The following SOX5 variants were observed in gnomAD, a reference collection of about 807,000 sequenced individuals.
SOX5 encodes the protein SRY-box transcription factor 5, also known as transcription factor SOX-5.
SOX5 carries 9 observed loss-of-function variants against 92.0 expected under a neutral mutation model. That is an observed-to-expected ratio of 0.10 (90% CI 0.06 to 0.17). SOX5 has a LOEUF of 0.17. Among genes scored for constraint, SOX5 ranks in the 10% least tolerant of loss-of-function variants. The pLI, the probability that SOX5 is intolerant of heterozygous loss-of-function variation, is 1.00. For missense variants in SOX5, 642 were observed against 944.5 expected, an observed-to-expected ratio of 0.68 and a Z score of 4.20; for synonymous variants, 344 against 336.3, an observed-to-expected ratio of 1.02 and a Z score of -0.25.
intron 1 of SOX5, among the ~76,000 whole-genome samples, chr12:24,525,434 A>G (rs944791005): frequency 2.6e-5 from 4 of 152,214 alleles, no homozygotes; most frequent in Admixed American, 6.5e-5. Context: ...AAGCAGGATG[A>G]ATGAGCTCCA....
rs755301332 is a variant in SOX5, at chr12:23,740,817, A to G, written c.741+50T>C. On this transcript the variant is annotated intron_variant, in intron 5 of 14. Coordinates refer to ENST00000451604, the MANE Select transcript of SOX5 (RefSeq NM_006940.6). ...CCTAGGACAGTGACCTATAAGTAGC[A>G]GGCAAAGTAATGTCTGAGGAATATG... The G allele has an allele frequency of 4.0e-6, 6 of 1,485,004 alleles. No homozygotes were observed. In the East Asian group the frequency reaches 1.4e-4, roughly 34 times the overall value. 92.0% of individuals were successfully genotyped at this position (1,485,004 alleles called of 1,614,324 possible). A position where few individuals can be genotyped will look rare whatever the true frequency, so the allele number is the denominator to read the frequency against.
chr12:23,955,227 TG>T (rs1430622921), upstream of SOX5, among the ~76,000 whole-genome samples: 10 of 152,112 alleles, frequency 6.6e-5, no homozygotes, highest in Non-Finnish European at 1.0e-4. Context: ...TATGTTTCTA[TG>T]GTAACCAAAT....
chr12:24,276,489 C>A (rs567424507), intron 3 of SOX5, among the ~76,000 whole-genome samples: 1 of 152,110 alleles, frequency 6.6e-6, no homozygotes, highest in Non-Finnish European at 1.5e-5. Flanking sequence ...GGAGATTTCC[C>A]TTTCAATCTT....
chr12:24,104,800 G>A (rs1946491995), intron 4 of SOX5, among the ~76,000 whole-genome samples: 1 of 152,144 alleles, frequency 6.6e-6, no homozygotes, highest in Admixed American at 6.5e-5. Context: ...ACAATATTAT[G>A]TTCCAATATA....
In SOX5 at chr12:23,622,787, A is replaced by G. The variant is rs2077338035; in HGVS notation, c.1017+18025T>C. Reference sequence around the variant, plus strand: ...TGGTAAATATTATTACTATTATTTTATTGACAGAAAATCAGAGATATGGTA... The same window carrying G: ...TGGTAAATATTATTACTATTATTTTGTTGACAGAAAATCAGAGATATGGTA... On this transcript the variant is annotated intron_variant, in intron 8 of 14. Transcript: ENST00000451604. Among the ~76,000 whole-genome samples, 5 of 152,280 alleles carry G rather than the reference A, an allele frequency of 3.3e-5. No homozygotes were observed. In the South Asian group the frequency reaches 1.0e-3, roughly 32 times the overall value.
chr12:23,778,043 G>A (rs188929751), intron 3 of SOX5, among the ~76,000 whole-genome samples: 1 of 152,280 alleles, frequency 6.6e-6, no homozygotes, highest in Admixed American at 6.5e-5. Context: ...ATGTTGCAGT[G>A]GTTTGATGGA....
intron 1 of SOX5, among the ~76,000 whole-genome samples, chr12:24,523,056 A>G (rs545580611): frequency 1.8e-4 from 28 of 152,194 alleles, no homozygotes; most frequent in Non-Finnish European, 3.5e-4. Context: ...ACTAATAAAT[A>G]TAGTAAAGTG....
At chr12:23,912,393 T>C (rs971330871) in intron 1 of SOX5, among the ~76,000 whole-genome samples, 5 of 152,196 alleles carry the variant, frequency 3.3e-5, no homozygotes, top group Non-Finnish European at 7.4e-5. Context: ...CATCAAAGAT[T>C]GCTGTTAGGA....
intron 6 of SOX5, among the ~76,000 whole-genome samples, chr12:23,681,987 G>C (rs2086697700): frequency 6.6e-6 from 1 of 151,470 alleles, no homozygotes; most frequent in South Asian, 2.1e-4. Context: ...CCATTATAAT[G>C]GAACATTTTA....
intron 2 of SOX5, among the ~76,000 whole-genome samples, chr12:24,363,139 T>C (rs1437837533): frequency 6.6e-6 from 1 of 152,186 alleles, no homozygotes. Context: ...ACCTGTGAAA[T>C]AACATCTACT....
At chr12:24,167,423 G>A (rs552270641) in intron 4 of SOX5, among the ~76,000 whole-genome samples, 26 of 152,186 alleles carry the variant, frequency 1.7e-4, no homozygotes, top group South Asian at 2.1e-4. Flanking sequence ...TGTGGAGCAG[G>A]TTGGAAGAGA....
chr12:24,062,746 G>T (rs1025557503), intron 4 of SOX5, among the ~76,000 whole-genome samples: 3 of 152,220 alleles, frequency 2.0e-5, no homozygotes, highest in Non-Finnish European at 4.4e-5. Flanking sequence ...AACTCCTTCA[G>T]AGAAGTTCTC....
chr12:24,296,509 G>A (rs1184267888), intron 2 of SOX5, among the ~76,000 whole-genome samples: 1 of 152,156 alleles, frequency 6.6e-6, no homozygotes, highest in Non-Finnish European at 1.5e-5. Flanking sequence ...TCTTGAGCTT[G>A]TTTCTCCCTT....
chr12:23,672,813 C>A (rs1593159025), intron 6 of SOX5, among the ~76,000 whole-genome samples: 1 of 152,140 alleles, frequency 6.6e-6, no homozygotes, highest in East Asian at 1.9e-4. Context: ...AGAATTAAGA[C>A]CTCTGTTACT....
At chr12:23,665,654 C>A (rs1047071405) in intron 6 of SOX5, 90 bp from the exon 7 acceptor site, 46 of 1,431,494 alleles carry the variant, frequency 3.2e-5, no homozygotes, top group Non-Finnish European at 4.0e-5. Flanking sequence ...AAAAGAAAAT[C>A]ATTTATTCAA....
At chr12:23,960,446 T>C (rs1946762716) in intron 4 of SOX5, among the ~76,000 whole-genome samples, 1 of 149,356 alleles carries the variant, frequency 6.7e-6, no homozygotes, top group Non-Finnish European at 1.5e-5. Context: ...GATATATGCT[T>C]ACACATGTGA....
intron 4 of SOX5, among the ~76,000 whole-genome samples, chr12:24,191,342 C>G (rs1956504939): frequency 6.6e-6 from 1 of 152,108 alleles, no homozygotes; most frequent in Non-Finnish European, 1.5e-5. Context: ...TGATTTTTAC[C>G]TGAATTCTTT....
At chr12:24,117,134 A>G (rs1018548638) in intron 4 of SOX5, among the ~76,000 whole-genome samples, 6 of 152,208 alleles carry the variant, frequency 3.9e-5, no homozygotes, top group Non-Finnish European at 5.9e-5. Context: ...AAATACCCCA[A>G]TTAAAAAATG....
chr12:23,639,659 A>C (rs1020708206), intron 8 of SOX5, among the ~76,000 whole-genome samples: 1 of 152,224 alleles, frequency 6.6e-6, no homozygotes, highest in African/African-American at 2.4e-5. Context: ...AGATACTCAC[A>C]GTGTAGCTGT....
Sources: gnomAD v4.1 joint callset for allele counts (sites outside exome capture counted in the v4.1 genomes callset) on GRCh38, gnomAD v4.1.1 for gene constraint, MANE v1.5 for transcripts, NCBI Gene and HGNC (gene_info 2026-07-23, HGNC 2026-07-21) for gene names.